CHID1: variants seen among roughly 807,000 people sequenced by gnomAD.
The protein encoded by CHID1 is chitinase domain containing 1, also known as chitinase domain-containing protein 1.
In CHID1, 44 loss-of-function variants were observed where a neutral mutation model predicts 55.4. The ratio of observed to expected loss-of-function variants is 0.79; its 90% CI spans 0.62 to 1.02. The LOEUF (loss-of-function observed/expected upper bound fraction) is 1.02. CHID1 is among the 50% of genes least tolerant of loss of function. The probability of loss-of-function intolerance (pLI) is 0.00; values close to 1 mark genes in which losing one functional copy is unlikely to be tolerated. For missense variants in CHID1, 491 were observed against 515.3 expected (o/e 0.95, Z 0.46); for synonymous variants, 216 against 212.9 (o/e 1.01, Z -0.13).
intron 5 of CHID1, 44 bp from the exon 6 acceptor site, chr11:900,154 G>T: frequency 6.7e-7 from 1 of 1,483,720 alleles, no homozygotes. Context: ...ACTGGGAGAT[G>T]CTGGAGGGCC....
chr11:910,889 G>A (rs556997198), upstream of CHID1: 329 of 1,031,844 alleles, frequency 3.2e-4, 2 homozygotes, highest in Admixed American at 0.017. Context: ...ACGCTGGGAT[G>A]GAGAGGGGCT....
chr11:911,401 T>C (rs1376896359), upstream of CHID1: 1 of 152,212 alleles, frequency 6.6e-6, no homozygotes, highest in Non-Finnish European at 1.5e-5. Context: ...AGTTCCCAAC[T>C]CAGCCCCTCG....
chr11:869,990 G>A (rs754969137), intron 12 of CHID1, 34 bp from the exon 13 acceptor site: 1 of 1,608,538 alleles, frequency 6.2e-7, no homozygotes, highest in South Asian at 1.1e-5. Context: ...CACCTGCTGG[G>A]GCCTGTCCCC....
chr11:914,848 G>C (rs1852857266), upstream of CHID1: 1 of 330,800 alleles, frequency 3.0e-6, no homozygotes. Flanking sequence ...GCGGCTCTGG[G>C]CGACTCCTCA....
Position 900,991 on chromosome 11 carries a change from T to C in CHID1, c.395-11A>G. The C allele has an allele frequency of 1.3e-6, 2 of 1,595,848 alleles. No homozygotes were observed. Among genetic ancestry groups the C allele is most frequent in the Non-Finnish European group, 8.5e-7 (1 of 1,172,194 alleles). ...CAGCTCGCATCCACCCTGTGGGACA[T>C]GGAGGGGACAGTCAACACAGGCACG... On this transcript the variant is annotated splice_polypyrimidine_tract_variant and intron_variant, in intron 4 of 12. Transcript: ENST00000323578.
chr11:870,141 C>G lies in CHID1; in HGVS notation c.1063G>C (p.Val355Leu), dbSNP rs138166915. Residue 355 changes from valine (V) to leucine (L), a missense_variant, in exon 12 of 13, where the codon GTC becomes CTC. Coordinates refer to ENST00000323578, the MANE Select transcript of CHID1 (RefSeq NM_023947.4). ...CGCACCTTCAGGGTTGGGTAGAAGA[C>G]GACGTGCCTCCCACTGCGGCTCCTG... Reference protein sequence around the residue: ...YKKSRSGRHVVFYPTLKSLQV... With the variant: ...YKKSRSGRHVLFYPTLKSLQV... The G allele has an allele frequency of 6.2e-7, 1 of 1,612,930 alleles. No homozygotes were observed. The highest frequency in any genetic ancestry group is 8.5e-7 in the Non-Finnish European group (1 of 1,179,976).
intron 7 of CHID1, among the ~76,000 whole-genome samples, 189 bp from the exon 8 acceptor site, chr11:893,708 GC>G (rs148833680): frequency 0.08 from 12,158 of 152,194 alleles, 590 homozygotes; most frequent in Middle Eastern, 0.17. Context: ...ACTGTCTCAT[GC>G]CCCAGTGGGC....
Position 869,904 on chromosome 11 carries a change from A to G in CHID1, c.1136T>C (p.Ile379Thr). 1 of 1,612,908 alleles carries G rather than the reference A, an allele frequency of 6.2e-7. No individual in the cohort carries two copies. The highest frequency in any genetic ancestry group is 1.1e-5 in the South Asian group (1 of 91,072). Reference sequence around the variant, plus strand: ...GTCCAGGCCCTGGCCCAGCTCCCAGATAGAGACCCCAACGCCCAGCTCCCG... The same window carrying G: ...GTCCAGGCCCTGGCCCAGCTCCCAGGTAGAGACCCCAACGCCCAGCTCCCG... ...LARELGVGVS[I>T]WELGQGLDYF... The change falls in exon 13 of 13, where the codon ATC becomes ACC. Residue 379 changes from isoleucine to threonine, a missense_variant. Transcript: ENST00000323578.
intron 7 of CHID1, among the ~76,000 whole-genome samples, chr11:895,991 C>A (rs560140968): frequency 1.3e-5 from 2 of 152,006 alleles, no homozygotes; most frequent in Admixed American, 6.6e-5. Flanking sequence ...GTGGCCACTC[C>A]GGCTCAGCAA....
intron 10 of CHID1, among the ~76,000 whole-genome samples, chr11:881,838 CA>C (rs1244469409): frequency 6.6e-6 from 1 of 150,450 alleles, no homozygotes. Context: ...CCTGTCTCTA[CA>C]AAAAAAATAC....
At chr11:893,351 G>T in intron 8 of CHID1, 76 bp downstream of exon 8, 1 of 1,261,132 alleles carries the variant, frequency 7.9e-7, no homozygotes, top group Non-Finnish European at 1.1e-6. Flanking sequence ...GGGCCCTTTG[G>T]CCGACACCCT....
intron 10 of CHID1, among the ~76,000 whole-genome samples, chr11:871,995 A>AC (rs934299187): frequency 2.0e-5 from 3 of 151,526 alleles, no homozygotes; most frequent in African/African-American, 7.3e-5. Context: ...AGCAGCTGCC[A>AC]CCCCCCCAGC....
chr11:913,109 C>A (rs1360478585), upstream of CHID1, among the ~76,000 whole-genome samples: 1 of 151,744 alleles, frequency 6.6e-6, no homozygotes, highest in African/African-American at 2.4e-5. Flanking sequence ...CCCTGTAATC[C>A]CAATGCTTTG....
chr11:904,700 C>T lies in CHID1; in HGVS notation c.111+6G>A, dbSNP rs146046517. The T allele has an allele frequency of 3.6e-5, 58 of 1,614,076 alleles. No individual in the cohort carries two copies. The Middle Eastern group carries it at 6.6e-4, about 18-fold the overall frequency. On this transcript the variant is annotated splice_donor_region_variant and intron_variant, in intron 2 of 12. Coordinates refer to ENST00000323578, the MANE Select transcript of CHID1 (RefSeq NM_023947.4). ...CAGTCACCTCAAGTCCCCAGGCCAC[C>T]CTTACCTTCTCCAGCAGCGTCTTTG...
Position 900,101 on chromosome 11 carries a change from AGCCGAG to A in CHID1, c.443_448del (p.Pro148_Arg149del), listed in dbSNP as rs1399330921. 18 of 1,613,536 alleles carry A rather than the reference AGCCGAG, an allele frequency of 1.1e-5. No homozygotes were observed. Among genetic ancestry groups the A allele is most frequent in the Middle Eastern group, 3.3e-4 (2 of 6,080 alleles). On this transcript the variant is annotated inframe_deletion, in exon 6 of 13. Coordinates refer to ENST00000323578, the MANE Select transcript of CHID1 (RefSeq NM_023947.4). ...ATCGTAAGTCCAGTCCTCAAACAGG[AGCCGAG>A]GCACTGCAGGGGCAACAGACACACA...
chr11:899,761 G>A (rs111403261), intron 6 of CHID1, among the ~76,000 whole-genome samples: 1 of 152,382 alleles, frequency 6.6e-6, no homozygotes, highest in African/African-American at 2.4e-5. Flanking sequence ...CCCAAGGGAA[G>A]AACCCTGGCC....
Position 899,327 on chromosome 11 carries a change from T to A in CHID1, c.608+13A>T, listed in dbSNP as rs1223201177. The A allele has an allele frequency of 1.3e-6, 2 of 1,594,188 alleles. No homozygotes were observed. Among genetic ancestry groups the A allele is most frequent in the Admixed American group, 1.7e-5 (1 of 57,416 alleles). On this transcript the variant is annotated intron_variant, in intron 7 of 12. Coordinates refer to ENST00000323578, the MANE Select transcript of CHID1 (RefSeq NM_023947.4). ...AGGAGGAGGGCCACCCACCACCACCTGTGCCCACTCACACGCGCTTCTGGC... is the reference window on the plus strand; with the variant it reads ...AGGAGGAGGGCCACCCACCACCACCAGTGCCCACTCACACGCGCTTCTGGC...
chr11:893,840 A>G (rs1186192609), intron 7 of CHID1, among the ~76,000 whole-genome samples: 2 of 151,684 alleles, frequency 1.3e-5, no homozygotes, highest in Admixed American at 1.3e-4. Flanking sequence ...GGCAGATTAA[A>G]AAAAAAAAAA....
chr11:880,909 C>T (rs1279837149), intron 10 of CHID1, among the ~76,000 whole-genome samples: 1 of 152,174 alleles, frequency 6.6e-6, no homozygotes, highest in Non-Finnish European at 1.5e-5. Flanking sequence ...GCTAAAACAC[C>T]CAGCACGCAA....
Sources: gnomAD v4.1 joint callset for allele counts (sites outside exome capture counted in the v4.1 genomes callset) on GRCh38, gnomAD v4.1.1 for gene constraint, MANE v1.5 for transcripts, NCBI Gene and HGNC (gene_info 2026-07-23, HGNC 2026-07-21) for gene names.